The following IP6K1 variants were observed in gnomAD, a reference collection of about 807,000 sequenced individuals.
IP6K1 encodes inositol hexakisphosphate kinase 1, also known as ATP:1D-myo-inositol-hexakisphosphate phosphotransferase.
In IP6K1, 13 loss-of-function variants were observed where a neutral mutation model predicts 38.3. The observed-to-expected ratio is 0.34, with a 90% CI of 0.22 to 0.54. IP6K1 has a LOEUF of 0.54. IP6K1 is among the 20% of genes least tolerant of loss of function. The pLI is 0.92. For synonymous variants in IP6K1, 212 were observed against 229.9 expected (o/e 0.92, Z 0.70); for missense variants, 397 against 599.8 (o/e 0.66, Z 3.53).
intron 2 of IP6K1, among the ~76,000 whole-genome samples, chr3:49,747,069 A>T (rs996956608): frequency 6.6e-6 from 1 of 152,180 alleles, no homozygotes; most frequent in Non-Finnish European, 1.5e-5. Context: ...AATTTTTTTT[A>T]AAAAGTTAAG....
At chr3:49,732,709 C>T in intron 4 of IP6K1, 82 bp downstream of exon 4, 1 of 1,164,452 alleles carries the variant, frequency 8.6e-7, no homozygotes, top group Non-Finnish European at 1.2e-6. Context: ...TAGACAAAGA[C>T]CTCAGCCATA....
chr3:49,742,064 G>C lies in IP6K1; in HGVS notation c.224-3642C>G, dbSNP rs191000543. On this transcript the variant is annotated intron_variant, in intron 2 of 5. Coordinates refer to ENST00000321599, the MANE Select transcript of IP6K1 (RefSeq NM_153273.4). ...ACTGCACTCCAGCCTGGGCGACACA[G>C]CAAGACCCTGTCTCAAAATAAAAAT... Among the ~76,000 whole-genome samples, 637 of 152,126 alleles carry C rather than the reference G, an allele frequency of 4.2e-3. 3 individuals are homozygous for C. Among genetic ancestry groups the C allele is most frequent in the African/African-American group, 0.015 (617 of 41,500 alleles).
At chr3:49,777,446 C>T (rs2081026533) in intron 1 of IP6K1, among the ~76,000 whole-genome samples, 1 of 151,718 alleles carries the variant, frequency 6.6e-6, no homozygotes, top group Non-Finnish European at 1.5e-5. Flanking sequence ...GCCTGTACTC[C>T]CAGCTACTCG....
At chr3:49,732,729 G>T in intron 4 of IP6K1, 62 bp downstream of exon 4, 3 of 1,397,542 alleles carry the variant, frequency 2.1e-6, no homozygotes, top group South Asian at 1.4e-5. Context: ...AGGCAGAATG[G>T]TGCCCCAACA....
rs776961542 is a variant in IP6K1, at chr3:49,738,197, A to G, written c.434+15T>C. 1 of 1,604,556 alleles carries G rather than the reference A, an allele frequency of 6.2e-7. No individual in the cohort carries two copies. The highest frequency in any genetic ancestry group is 8.5e-7 in the Non-Finnish European group (1 of 1,171,458). On this transcript the variant is annotated intron_variant, in intron 3 of 5. Transcript: ENST00000321599. ...TGAGTGCTTGTACCAGCAGGACGAA[A>G]CATGTACCTCTTACCTCTCAGAGGT...
intron 1 of IP6K1, among the ~76,000 whole-genome samples, chr3:49,758,020 T>A (rs1482440009): frequency 6.6e-6 from 1 of 152,062 alleles, no homozygotes; most frequent in Admixed American, 6.6e-5. Flanking sequence ...TCAAAAATGG[T>A]TACTAGTGGC....
intron 1 of IP6K1, among the ~76,000 whole-genome samples, chr3:49,779,469 T>C (rs2081046617): frequency 6.6e-6 from 1 of 152,208 alleles, no homozygotes; most frequent in Admixed American, 6.5e-5. Context: ...TCATTTCTCT[T>C]GGGTAGATAG....
chr3:49,752,559 T>C (rs1383500962), intron 1 of IP6K1, among the ~76,000 whole-genome samples: 1 of 151,634 alleles, frequency 6.6e-6, no homozygotes, highest in African/African-American at 2.4e-5. Flanking sequence ...TTCGCTCTTG[T>C]TGCTCAGGCT....
At chr3:49,753,042 T>C (rs1000580828) in intron 1 of IP6K1, among the ~76,000 whole-genome samples, 2 of 152,154 alleles carry the variant, frequency 1.3e-5, no homozygotes, top group African/African-American at 2.4e-5. Context: ...ATTACAGGCA[T>C]GAGCCACTAT....
rs892163348 is a variant in IP6K1 at position 49,724,342 on chromosome 3, C to G, written c.*2780G>C. The G allele has an allele frequency of 1.3e-5, 2 of 152,344 alleles. No homozygotes were observed. The highest frequency in any genetic ancestry group is 4.8e-5 in the African/African-American group (2 of 41,464). 9.4% of individuals were successfully genotyped at this position (152,344 alleles called of 1,614,324 possible). ...TGACATACACGACCTCAGACACAAG[C>G]GGGGCGGGCAGCGCTAGGTGTACAG... On this transcript the variant is annotated 3_prime_UTR_variant, in exon 6 of 6. Coordinates refer to ENST00000321599, the MANE Select transcript of IP6K1 (RefSeq NM_153273.4).
At position 49,756,615 on chromosome 3, in the gene IP6K1, C is replaced by T. The variant is rs147433917; in HGVS notation, c.-128-8447G>A. On this transcript the variant is annotated intron_variant, in intron 1 of 5. Transcript: ENST00000321599. ...GGTGGATCACCTGAGGTCAGGAGTT[C>T]GAGACCAGTCTGACCAACATGGAGA... Among the ~76,000 whole-genome samples, 1,013 of 152,012 alleles carry T rather than the reference C, an allele frequency of 6.7e-3. 17 individuals carry two copies. Among genetic ancestry groups the T allele is most frequent in the African/African-American group, 0.023 (961 of 41,456 alleles).
intron 1 of IP6K1, chr3:49,786,057 A>G (rs1181781079): frequency 6.6e-6 from 1 of 152,254 alleles, no homozygotes; most frequent in Non-Finnish European, 1.5e-5. Flanking sequence ...CACCGGACAC[A>G]CTTTAGCGCT....
intron 1 of IP6K1, among the ~76,000 whole-genome samples, chr3:49,771,188 C>CAAAAAAAAAAAAA (rs35601566): frequency 1.4e-5 from 1 of 72,508 alleles, no homozygotes; most frequent in Non-Finnish European, 2.7e-5. Flanking sequence ...AACTCAGTAA[C>CAAAAAAAAAAAAA]AAAAAAAAAA....
chr3:49,727,378 C>T lies in IP6K1; in HGVS notation c.1070G>A (p.Arg357His), dbSNP rs753239883. 111 of 1,613,944 alleles carry T rather than the reference C, an allele frequency of 6.9e-5. No individual in the cohort carries two copies. Among genetic ancestry groups the T allele is most frequent in the Non-Finnish European group, 9.0e-5 (106 of 1,180,036 alleles). Residue 357 changes from arginine to histidine, a missense_variant, in exon 6 of 6, where the codon CGT (arginine) becomes CAT (histidine). By Grantham distance (29) the Arg-to-His change is conservative (BLOSUM62 0). This residue lies in a region of IP6K1 where 164 missense variants were observed against 213.5 expected (regional missense o/e 0.77). Coordinates refer to ENST00000321599, the MANE Select transcript of IP6K1 (RefSeq NM_153273.4). The surrounding 1 kb of genome is among the most constrained non-coding windows in gnomAD (Gnocchi z 5.9). ...ESCLDRRSEM[R>H]LKHLDMVLPE... ...GAGCACCATGTCCAGGTGCTTGAGA[C>T]GCATCTCAGACCGGCGGTCCAGGCA...
Position 49,738,283 on chromosome 3 carries a change from G to C in IP6K1, c.363C>G (p.Ser121Arg), listed in dbSNP as rs1352931588. The C allele has an allele frequency of 6.2e-7, 1 of 1,614,212 alleles. No homozygotes were observed. The highest frequency in any genetic ancestry group is 8.5e-7 in the Non-Finnish European group (1 of 1,180,038). The change falls in exon 3 of 6, where the codon AGC (serine) becomes AGG (arginine). Residue 121 changes from serine (S) to arginine (R), a missense_variant. Ser to Arg is a moderately radical substitution (Grantham distance 110, BLOSUM62 -1). Around this residue, in one of 3 missense-constraint regions of IP6K1, gnomAD observed 171 missense variants for 237.0 expected, o/e 0.72. Coordinates refer to ENST00000321599, the MANE Select transcript of IP6K1 (RefSeq NM_153273.4). ...CACTGCCACTGCCTGACCGGTGCAG[G>C]CTCCGGCGGGAGTGTTTGCGCCGAG... is the stretch of plus-strand genomic sequence containing the variant. ...EQPRRKHSRR[S>R]LHRSGSGSDH...
At chr3:49,751,710 TAGAG>T (rs1559708552) in intron 1 of IP6K1, among the ~76,000 whole-genome samples, 1 of 152,218 alleles carries the variant, frequency 6.6e-6, no homozygotes, top group Non-Finnish European at 1.5e-5. Flanking sequence ...TCAGCTACAA[TAGAG>T]ACTCTGTCCT....
chr3:49,756,955 A>G (rs2080829269), intron 1 of IP6K1, among the ~76,000 whole-genome samples: 1 of 152,216 alleles, frequency 6.6e-6, no homozygotes, highest in Non-Finnish European at 1.5e-5. Context: ...CATGCGAGCC[A>G]TCCCTGAATC....
chr3:49,725,168 T>C lies in IP6K1; in HGVS notation c.*1954A>G, dbSNP rs910630459. 6.6e-6 allele frequency: 1 copy of C among 152,574 alleles called. No individual in the cohort carries two copies. 9.5% of individuals were successfully genotyped at this position (152,574 alleles called of 1,614,324 possible). The stretch of plus-strand genomic sequence containing the variant: ...GTGCCAGGAAAATACTGAATGTAAG[T>C]GGGTGCAGCTTTGCTCGCTGTGAGG... On this transcript the variant is annotated 3_prime_UTR_variant, in exon 6 of 6. Transcript: ENST00000321599.
intron 1 of IP6K1, among the ~76,000 whole-genome samples, chr3:49,761,376 C>T (rs2080866706): frequency 2.0e-5 from 3 of 151,708 alleles, no homozygotes; most frequent in Admixed American, 1.3e-4. Context: ...CCTGTAATCC[C>T]AGCACTTTGG....
Sources: gnomAD v4.1 joint callset for allele counts (sites outside exome capture counted in the v4.1 genomes callset) on GRCh38, gnomAD v4.1.1 for gene constraint, gnomAD v4.1.1 regional missense constraint, Gnocchi (gnomAD v3.1) non-coding constraint, MANE v1.5 for transcripts, NCBI Gene and HGNC (gene_info 2026-07-23, HGNC 2026-07-21) for gene names.